TMC7: variants seen among roughly 807,000 people sequenced by gnomAD.
The protein encoded by TMC7 is transmembrane channel like 7, also known as transmembrane channel-like protein 7.
Under a neutral mutation model 82.9 loss-of-function variants are expected in TMC7, and 54 were observed. That is an observed-to-expected ratio of 0.65 (90% confidence interval 0.52 to 0.82). The LOEUF (loss-of-function observed/expected upper bound fraction) is 0.82, where lower values mean the gene tolerates loss of function less well. TMC7 is among the 40% of genes least tolerant of loss of function. The probability of loss-of-function intolerance (pLI) is 0.00; values close to 1 mark genes in which losing one functional copy is unlikely to be tolerated. For synonymous variants in TMC7, 350 were observed against 337.9 expected (o/e 1.04, Z -0.39); for missense variants, 820 against 901.2 (o/e 0.91, Z 1.15).
chr16:19,057,482 C>G (rs887518646), intron 14 of TMC7, among the ~76,000 whole-genome samples: 3 of 152,152 alleles, frequency 2.0e-5, no homozygotes, highest in Non-Finnish European at 2.9e-5. Flanking sequence ...ACAGTAAAAC[C>G]CCAGCATAAT....
At chr16:19,046,383 C>G (rs1961274465) in intron 11 of TMC7, among the ~76,000 whole-genome samples, 1 of 152,234 alleles carries the variant, frequency 6.6e-6, no homozygotes, top group South Asian at 2.1e-4. Context: ...ACTGAGAACA[C>G]TCCACAGTAT....
At position 19,016,528 on chromosome 16, in the gene TMC7, G is replaced by A. The variant is rs146116084; in HGVS notation, c.390G>A (p.Arg130=). The A allele has an allele frequency of 1.2e-5, 20 of 1,614,048 alleles. No homozygotes were observed. The African/African-American group carries it at 2.5e-4, about 20-fold the overall frequency. Residue 130 remains arginine (R), a synonymous_variant, in exon 3 of 16, where the codon AGG becomes AGA. Transcript: ENST00000304381. ...WKRYSSKSWK[R]FLEKAREMTT... ...GGTATAGCAGCAAGTCTTGGAAGAG[G>A]TTCCTAGAGAAGGCTCGAGAGATGA... is the stretch of plus-strand genomic sequence containing the variant.
chr16:18,986,599 A>G (rs1159427417), intron 1 of TMC7, among the ~76,000 whole-genome samples: 1 of 152,056 alleles, frequency 6.6e-6, no homozygotes, highest in Non-Finnish European at 1.5e-5. Flanking sequence ...CTGCTCTGAG[A>G]ATAAACTCCA....
intron 1 of TMC7, among the ~76,000 whole-genome samples, chr16:18,987,557 C>T (rs571987989): frequency 6.6e-5 from 10 of 151,870 alleles, no homozygotes; most frequent in East Asian, 1.9e-4. Context: ...CCGCCCACCT[C>T]GGCCTCCCAA....
chr16:19,023,118 C>G lies in TMC7; in HGVS notation c.634C>G (p.Gln212Glu). The G allele has an allele frequency of 1.2e-6, 2 of 1,600,196 alleles. No homozygotes were observed. The highest frequency in any genetic ancestry group is 1.7e-6 in the Non-Finnish European group (2 of 1,170,400). ...VLIPFKDMDK[Q>E]CTVYPVSSSG... is the part of the protein sequence containing the mutation. ...CTGGTTTTTGTTTCTTACAGATAAA[C>G]AATGTACAGTCTATCCAGTAAGCAG... Residue 212 changes from glutamine (Q) to glutamate (E), a missense_variant, in exon 5 of 16, where the codon CAA (glutamine) becomes GAA (glutamate). Physicochemically the swap from Gln to Glu is conservative, Grantham distance 29. Coordinates refer to ENST00000304381, the MANE Select transcript of TMC7 (RefSeq NM_024847.4).
At chr16:18,994,732 C>G (rs2039011125) in intron 1 of TMC7, among the ~76,000 whole-genome samples, 1 of 152,072 alleles carries the variant, frequency 6.6e-6, no homozygotes, top group Admixed American at 6.6e-5. Context: ...AGGCTCAGAT[C>G]CTGAACTAAC....
At chr16:19,056,511 C>T in intron 13 of TMC7, 31 bp from the exon 14 acceptor site, 1 of 1,606,618 alleles carries the variant, frequency 6.2e-7, no homozygotes, top group Non-Finnish European at 8.5e-7. Flanking sequence ...CTGCACGCTC[C>T]TTCTGAGCCC....
intron 13 of TMC7, among the ~76,000 whole-genome samples, chr16:19,055,603 C>G (rs1233676223): frequency 1.3e-5 from 2 of 152,194 alleles, no homozygotes; most frequent in Admixed American, 6.5e-5. Flanking sequence ...TGTGATACAC[C>G]CGCCTTGGCC....
chr16:18,989,935 C>T (rs2038920276), intron 1 of TMC7, among the ~76,000 whole-genome samples: 1 of 151,902 alleles, frequency 6.6e-6, no homozygotes. Flanking sequence ...TTTGTGTGAG[C>T]AACATGGCTG....
chr16:18,984,551 G>T (rs1477594108), intron 1 of TMC7: 1 of 1,003,886 alleles, frequency 1.0e-6, no homozygotes, highest in East Asian at 1.0e-4. Flanking sequence ...ACCGAATTCT[G>T]CCTTGTCTGT....
chr16:19,034,920 G>C (rs1003419946), intron 6 of TMC7, among the ~76,000 whole-genome samples: 3 of 152,156 alleles, frequency 2.0e-5, no homozygotes, highest in African/African-American at 7.2e-5. Flanking sequence ...GCTGTATTAA[G>C]GAGTTTGGAT....
rs187705286 is a variant in TMC7 at position 19,049,238 on chromosome 16, G to A, written c.1740+1989G>A. ...AGCGTTTCACCATGTTGGCCAGGCT[G>A]GTCTCCAACTCCTGGCCTCAAGTGA... is the stretch of plus-strand genomic sequence containing the variant. On this transcript the variant is annotated intron_variant, in intron 12 of 15. Transcript: ENST00000304381. Among the ~76,000 whole-genome samples, 1,449 of 152,186 alleles carry A rather than the reference G, an allele frequency of 9.5e-3. 32 individuals are homozygous for A. Among genetic ancestry groups the A allele is most frequent in the African/African-American group, 0.033 (1,364 of 41,528 alleles).
chr16:18,993,785 T>C (rs1392955565), intron 1 of TMC7, among the ~76,000 whole-genome samples: 1 of 152,172 alleles, frequency 6.6e-6, no homozygotes, highest in Non-Finnish European at 1.5e-5. Context: ...TTAGAGTCAG[T>C]ATAAATATTG....
At chr16:19,039,842 G>A (rs998796490) in intron 8 of TMC7, among the ~76,000 whole-genome samples, 3 of 152,032 alleles carry the variant, frequency 2.0e-5, no homozygotes, top group East Asian at 1.9e-4. Flanking sequence ...GCGGCCGGGC[G>A]AGGTGGCTCA....
intron 8 of TMC7, among the ~76,000 whole-genome samples, chr16:19,038,680 C>G (rs1037740090): frequency 1.3e-5 from 2 of 151,972 alleles, no homozygotes; most frequent in Non-Finnish European, 2.9e-5. Flanking sequence ...CCACACCCAG[C>G]TAATTTTTGT....
rs142659638 is a variant in TMC7 at position 19,037,444 on chromosome 16, T to C, written c.1006-430T>C. Among the ~76,000 whole-genome samples, 11 of 147,174 alleles carry C rather than the reference T, an allele frequency of 7.5e-5. No homozygotes were observed. The East Asian group carries it at 2.2e-3, about 30-fold the overall frequency. On this transcript the variant is annotated intron_variant, in intron 7 of 15. Coordinates refer to ENST00000304381, the MANE Select transcript of TMC7 (RefSeq NM_024847.4). ...GTTGGGCTAAGTCTAGGATGGTTTC[T>C]TGGGGGAGATGAATATTTAAAAGAT...
At chr16:19,049,896 T>C (rs891790640) in intron 12 of TMC7, among the ~76,000 whole-genome samples, 1 of 152,202 alleles carries the variant, frequency 6.6e-6, no homozygotes, top group Non-Finnish European at 1.5e-5. Context: ...TATCCTTTCT[T>C]ACTCCCCATT....
At position 19,016,574 on chromosome 16, in the gene TMC7, C is replaced by G; in HGVS notation, c.436C>G (p.Arg146Gly). 6.2e-7 allele frequency: 1 copy of G among 1,613,860 alleles called. No homozygotes were observed. Among genetic ancestry groups the G allele is most frequent in the East Asian group, 2.2e-5 (1 of 44,868 alleles). Reference sequence around the variant, plus strand: ...GATGACGACCCACCTGGAGCTGTGGCGGGAGGACATCCGCAGCATAGAAGG... The same window carrying G: ...GATGACGACCCACCTGGAGCTGTGGGGGGAGGACATCCGCAGCATAGAAGG... ...REMTTHLELW[R>G]EDIRSIEGKF... Residue 146 changes from arginine to glycine, a missense_variant, in exon 3 of 16, where the codon CGG (arginine) becomes GGG (glycine). Coordinates refer to ENST00000304381, the MANE Select transcript of TMC7 (RefSeq NM_024847.4).
rs1961195857 is a variant in TMC7, at chr16:19,044,948, T to C, written c.1402T>C (p.Ser468Pro). The C allele has an allele frequency of 1.2e-6, 2 of 1,613,782 alleles. No homozygotes were observed. Among genetic ancestry groups the C allele is most frequent in the Non-Finnish European group, 1.7e-6 (2 of 1,179,962 alleles). The change falls in exon 10 of 16, where the codon TCC becomes CCC. Residue 468 changes from serine to proline, a missense_variant. Ser to Pro is a moderately conservative substitution (Grantham distance 74, BLOSUM62 -1). Coordinates refer to ENST00000304381, the MANE Select transcript of TMC7 (RefSeq NM_024847.4). ...GTTCACGCTGGGCTCCAAGATCACA[T>C]CCTGTGATGATGACACATGTGACCT... The part of the protein sequence containing the change: ...LVFTLGSKIT[S>P]CDDDTCDLCG...
Sources: gnomAD v4.1 joint callset for allele counts (sites outside exome capture counted in the v4.1 genomes callset) on GRCh38, gnomAD v4.1.1 for gene constraint, MANE v1.5 for transcripts, NCBI Gene and HGNC (gene_info 2026-07-23, HGNC 2026-07-21) for gene names.